SP110: variants seen among roughly 807,000 people sequenced by gnomAD.
SP110 encodes the protein SP110 nuclear body protein.
SP110 carries 62 observed loss-of-function variants against 92.7 expected under a neutral mutation model. The ratio of observed to expected loss-of-function variants is 0.67; its 90% confidence interval spans 0.55 to 0.83. The LOEUF is 0.83. Ranked by LOEUF, SP110 falls within the 40% of genes least tolerant of loss-of-function variation. SP110 has a pLI of 0.00. For synonymous variants in SP110, 273 were observed against 305.3 expected (o/e 0.89, Z 1.10); for missense variants, 793 against 863.9 (o/e 0.92, Z 1.03).
At chr2:230,216,597 C>G (rs763676456) in intron 2 of SP110, among the ~76,000 whole-genome samples, 184 bp downstream of exon 2, 23 of 152,290 alleles carry the variant, frequency 1.5e-4, no homozygotes, top group Non-Finnish European at 3.4e-4. Context: ...TTATGACACC[C>G]TAGAAACCAA....
At chr2:230,196,907 G>A (rs2042903402) in intron 10 of SP110, among the ~76,000 whole-genome samples, 1 of 152,180 alleles carries the variant, frequency 6.6e-6, no homozygotes, top group Non-Finnish European at 1.5e-5. Flanking sequence ...ATTCCATGGT[G>A]TATATATGCC....
At chr2:230,176,733 CAGA>C in intron 14 of SP110, 1 of 1,614,064 alleles carries the variant, frequency 6.2e-7, no homozygotes, top group Non-Finnish European at 8.5e-7. Context: ...CTCTGAAAGA[CAGA>C]AGGAGTCAAT....
Position 230,166,750 on chromosome 2 carries a change from A to C in SP110, c.*2374T>G, listed in dbSNP as rs1245156361. ...GAAGGGAGACACCAATACAGAACCG[A>C]GGAAGACAAGGAAGAAGCCTGTGGG... is the stretch of plus-strand genomic sequence containing the variant. On this transcript the variant is annotated 3_prime_UTR_variant, in exon 19 of 19. Transcript: ENST00000258381. 2.0e-5 allele frequency among the ~76,000 whole-genome samples: 3 copies of C among 152,196 alleles called. No homozygotes were observed. Among genetic ancestry groups the C allele is most frequent in the African/African-American group, 7.2e-5 (3 of 41,440 alleles).
At chr2:230,204,796 T>C (rs1186183176) in intron 8 of SP110, among the ~76,000 whole-genome samples, 1 of 152,166 alleles carries the variant, frequency 6.6e-6, no homozygotes, top group Non-Finnish European at 1.5e-5. Flanking sequence ...ATTCCTGAGA[T>C]AGACATAAGT....
At chr2:230,185,957 G>A in intron 11 of SP110, 37 bp downstream of exon 11, 1 of 1,584,870 alleles carries the variant, frequency 6.3e-7, no homozygotes, top group Non-Finnish European at 8.7e-7. Flanking sequence ...CTCCTACATT[G>A]AGCTATTCAA....
chr2:230,197,452 C>G (rs1479249994), intron 10 of SP110, among the ~76,000 whole-genome samples: 1 of 150,756 alleles, frequency 6.6e-6, no homozygotes, highest in Non-Finnish European at 1.5e-5. Context: ...AGCCCTTTGT[C>G]AGATGAGTAG....
chr2:230,197,493 TG>T (rs1344832046), intron 10 of SP110, among the ~76,000 whole-genome samples: 2 of 148,694 alleles, frequency 1.3e-5, no homozygotes, highest in Non-Finnish European at 3.0e-5. Context: ...TTTTGTAGGT[TG>T]CCTGTTCACT....
chr2:230,201,384 G>T (rs2043170727), intron 9 of SP110, among the ~76,000 whole-genome samples: 1 of 152,164 alleles, frequency 6.6e-6, no homozygotes, highest in African/African-American at 2.4e-5. Flanking sequence ...AAGAGCAATG[G>T]CAGATAAAAC....
intron 6 of SP110, among the ~76,000 whole-genome samples, chr2:230,210,441 G>T (rs1472829654): frequency 6.6e-6 from 1 of 152,218 alleles, no homozygotes; most frequent in Non-Finnish European, 1.5e-5. Context: ...TGATGAAGGG[G>T]AATGTCTTTG....
In SP110 at chr2:230,172,445, C is replaced by T. The variant is rs2078470828; in HGVS notation, c.1707-271G>A. Reference sequence around the variant, plus strand: ...CTGAGCTGCTGGGAGCACAAAGGAACCCTGCCTGCCAGGCTTGAGTGTCAG... The same window carrying T: ...CTGAGCTGCTGGGAGCACAAAGGAATCCTGCCTGCCAGGCTTGAGTGTCAG... On this transcript the variant is annotated intron_variant, in intron 15 of 18. Transcript: ENST00000258381. The T allele has an allele frequency of 8.9e-6, 5 of 561,028 alleles. No homozygotes were observed. The Admixed American group carries it at 1.2e-4, about 14-fold the overall frequency. The allele number at this position is 561,028 out of a possible 1,614,324, so 34.8% of individuals were successfully genotyped here.
Position 230,181,779 on chromosome 2 carries a change from G to A in SP110, c.1348+1793C>T, listed in dbSNP as rs565433767. Among the ~76,000 whole-genome samples the A allele has an allele frequency of 8.5e-5, 13 of 152,286 alleles. No individual in the cohort carries two copies. In the South Asian group the frequency reaches 1.2e-3, roughly 15 times the overall value. On this transcript the variant is annotated intron_variant, in intron 12 of 18. Transcript: ENST00000258381. Reference sequence around the variant, plus strand: ...ACCATCTCATGCCAGTCAGAATGGCGATTATTAAAAAGTTAAGAAACAACA... The same window carrying A: ...ACCATCTCATGCCAGTCAGAATGGCAATTATTAAAAAGTTAAGAAACAACA...
At chr2:230,215,838 A>C (rs2045101077) in intron 2 of SP110, among the ~76,000 whole-genome samples, 1 of 152,228 alleles carries the variant, frequency 6.6e-6, no homozygotes, top group South Asian at 2.1e-4. Flanking sequence ...AATTGAGAGT[A>C]GTGTTACGGA....
intron 8 of SP110, among the ~76,000 whole-genome samples, chr2:230,204,056 G>T (rs1468377781): frequency 6.6e-6 from 1 of 152,126 alleles, no homozygotes; most frequent in African/African-American, 2.4e-5. Flanking sequence ...AAAATTAAAA[G>T]CACATCATCT....
At chr2:230,220,378 A>C (rs2045709903), upstream of SP110, among the ~76,000 whole-genome samples, 2 of 152,196 alleles carry the variant, frequency 1.3e-5, no homozygotes, top group Non-Finnish European at 2.9e-5. Context: ...ATTCACTGGA[A>C]TTTATCCAGT....
chr2:230,206,610 T>G (rs1351404760), intron 8 of SP110, among the ~76,000 whole-genome samples: 2 of 62,168 alleles, frequency 3.2e-5, no homozygotes, highest in Admixed American at 1.6e-4. Context: ...TATATATATA[T>G]ATATATATAT....
intron 1 of SP110, among the ~76,000 whole-genome samples, chr2:230,219,401 C>A (rs1419012385): frequency 6.6e-6 from 1 of 152,132 alleles, no homozygotes; most frequent in Admixed American, 6.6e-5. Context: ...TGTCAAATGT[C>A]CTAAAACATG....
At chr2:230,179,978 T>G (rs1394011229) in intron 12 of SP110, among the ~76,000 whole-genome samples, 1 of 152,150 alleles carries the variant, frequency 6.6e-6, no homozygotes, top group African/African-American at 2.4e-5. Flanking sequence ...CTAATAGTGC[T>G]AAGTCTGGCT....
intron 10 of SP110, among the ~76,000 whole-genome samples, chr2:230,189,785 C>G (rs1407590782): frequency 6.6e-6 from 1 of 152,174 alleles, no homozygotes; most frequent in Non-Finnish European, 1.5e-5. Flanking sequence ...TGAGTGAGAA[C>G]ATGCGGTGTT....
chr2:230,222,488 G>A (rs6739987), upstream of SP110, among the ~76,000 whole-genome samples: 1 of 152,152 alleles, frequency 6.6e-6, no homozygotes, highest in Non-Finnish European at 1.5e-5. Context: ...GGAGGTCAAA[G>A]CAGGAGGATC....
Sources: allele counts gnomAD v4.1 joint callset (sites outside exome capture counted in the v4.1 genomes callset), GRCh38; gene constraint gnomAD v4.1.1; transcripts MANE v1.5; gene names NCBI Gene and HGNC (gene_info 2026-07-23, HGNC 2026-07-21).